The following AGBL2 variants were observed in gnomAD, a reference collection of about 807,000 sequenced individuals.
AGBL2 encodes cytosolic carboxypeptidase 2.
A neutral mutation model predicts 103.0 loss-of-function variants in AGBL2; 87 were observed. The ratio of observed to expected loss-of-function variants is 0.84; its 90% CI spans 0.71 to 1.01. The LOEUF is 1.01. Among genes scored for constraint, AGBL2 ranks in the 50% least tolerant of loss-of-function variants. The probability of loss-of-function intolerance (pLI) is 0.00; values close to 1 mark genes in which losing one functional copy is unlikely to be tolerated. For synonymous variants in AGBL2, 335 were observed against 356.7 expected (o/e 0.94, Z 0.69); for missense variants, 904 against 1,023.5 (o/e 0.88, Z 1.59).
chr11:47,686,089 A>G (rs1164262818), intron 10 of AGBL2, 40 bp from the exon 11 acceptor site: 20 of 1,582,002 alleles, frequency 1.3e-5, no homozygotes, highest in Non-Finnish European at 1.6e-5. Context: ...GGACACCCAA[A>G]TGCATACAAA....
chr11:47,680,285 A>G (rs1056364565), intron 12 of AGBL2, among the ~76,000 whole-genome samples: 11 of 151,288 alleles, frequency 7.3e-5, no homozygotes, highest in African/African-American at 1.5e-4. Flanking sequence ...GCTCGTCTCT[A>G]CTAAAAAATA....
intron 8 of AGBL2, among the ~76,000 whole-genome samples, chr11:47,692,887 C>G (rs1383434755): frequency 1.3e-5 from 2 of 152,070 alleles, no homozygotes; most frequent in African/African-American, 4.8e-5. Context: ...GCGTGAATCA[C>G]AGTTCACTGC....
At chr11:47,696,037 G>GAAAAAAAAAGA (rs2097471120) in intron 8 of AGBL2, among the ~76,000 whole-genome samples, 4 of 88,906 alleles carry the variant, frequency 4.5e-5, no homozygotes, top group Non-Finnish European at 4.0e-5. Context: ...AAAAAAAAAA[G>GAAAAAAAAAGA]AAAAAAAAAA....
chr11:47,660,202 G>A lies in AGBL2; in HGVS notation c.2680C>T (p.Pro894Ser), dbSNP rs1248795743. 6.2e-7 allele frequency: 1 copy of A among 1,614,084 alleles called. No individual in the cohort carries two copies. Among genetic ancestry groups the A allele is most frequent in the Non-Finnish European group, 8.5e-7 (1 of 1,180,032 alleles). The change falls in exon 19 of 19, where the codon CCA (proline) becomes TCA (serine). Residue 894 changes from proline (P) to serine (S), a missense_variant. Coordinates refer to ENST00000525123, the MANE Select transcript of AGBL2 (RefSeq NM_024783.4). Reference sequence around the variant, plus strand: ...GGGTATGTGTATATGTGCAAGGATGGGTATGCCGCCATGGCAGCACAGCCT... The same window carrying A: ...GGGTATGTGTATATGTGCAAGGATGAGTATGCCGCCATGGCAGCACAGCCT... ...KRGCAAMAAY[P>S]SLHIYTYP
intron 10 of AGBL2, among the ~76,000 whole-genome samples, chr11:47,689,501 C>T (rs566972029): frequency 5.3e-5 from 8 of 152,064 alleles, no homozygotes; most frequent in East Asian, 3.9e-4. Context: ...GACTGGGTTT[C>T]GCCATGTTGG....
chr11:47,714,233 T>G (rs1489649356), intron 3 of AGBL2, 51 bp downstream of exon 3: 1 of 1,463,220 alleles, frequency 6.8e-7, no homozygotes, highest in East Asian at 2.3e-5. Flanking sequence ...AACGAAGCAA[T>G]TTTCCTCTTG....
chr11:47,661,813 G>C (rs1056738678), intron 18 of AGBL2, among the ~76,000 whole-genome samples: 15 of 151,388 alleles, frequency 9.9e-5, no homozygotes, highest in Non-Finnish European at 1.9e-4. Flanking sequence ...GCAGTGGTGC[G>C]ATCTCTGCTC....
chr11:47,672,379 A>G (rs774721816), intron 14 of AGBL2, among the ~76,000 whole-genome samples: 2 of 151,968 alleles, frequency 1.3e-5, no homozygotes, highest in African/African-American at 4.8e-5. Flanking sequence ...CAGTAGTGCA[A>G]TCTTGACTCA....
At chr11:47,710,321 A>G (rs2097533168) in intron 4 of AGBL2, 56 bp downstream of exon 4, 1 of 1,609,498 alleles carries the variant, frequency 6.2e-7, no homozygotes, top group South Asian at 1.1e-5. Context: ...CTGAATACTC[A>G]GAGGAGTTAC....
At chr11:47,680,888 A>T (rs1288033437) in intron 12 of AGBL2, among the ~76,000 whole-genome samples, 1 of 152,246 alleles carries the variant, frequency 6.6e-6, no homozygotes, top group Non-Finnish European at 1.5e-5. Flanking sequence ...AGTTTGGTTC[A>T]GAAGAATCTT....
chr11:47,692,189 A>G lies in AGBL2; in HGVS notation c.762T>C (p.Leu254=). Residue 254 remains leucine, a synonymous_variant, in exon 9 of 19, where the codon CTT becomes CTC. Coordinates refer to ENST00000525123, the MANE Select transcript of AGBL2 (RefSeq NM_024783.4). The stretch of plus-strand genomic sequence containing the variant: ...CTTCTGGTCCTTGCAACGTGACAGC[A>G]AGTTCCTTGACAATTCCTCGTTTGC... ...VGGKRGIVKE[L]AVTLQGPEDN... 6.2e-7 allele frequency: 1 copy of G among 1,613,804 alleles called. No homozygotes were observed. Among genetic ancestry groups the G allele is most frequent in the Admixed American group, 1.7e-5 (1 of 59,956 alleles).
chr11:47,701,168 T>C (rs549835563), intron 7 of AGBL2, among the ~76,000 whole-genome samples: 8 of 151,730 alleles, frequency 5.3e-5, no homozygotes, highest in African/African-American at 1.9e-4. Flanking sequence ...AATTGCTTTA[T>C]AAAAGATCAT....
intron 10 of AGBL2, among the ~76,000 whole-genome samples, chr11:47,689,243 A>G (rs906201856): frequency 6.6e-6 from 1 of 151,330 alleles, no homozygotes; most frequent in Admixed American, 6.6e-5. Flanking sequence ...TTAAATATCT[A>G]CTTTGTCACT....
At chr11:47,681,544 T>G (rs2097401188) in intron 12 of AGBL2, among the ~76,000 whole-genome samples, 1 of 152,186 alleles carries the variant, frequency 6.6e-6, no homozygotes, top group Admixed American at 6.5e-5. Context: ...CTTGGCTCAC[T>G]GCAACCTTCA....
At chr11:47,676,336 C>T (rs1343167774) in intron 14 of AGBL2, among the ~76,000 whole-genome samples, 2 of 152,186 alleles carry the variant, frequency 1.3e-5, no homozygotes, top group Non-Finnish European at 2.9e-5. Context: ...AACCAATTCA[C>T]ACATCCCCCC....
chr11:47,706,527 A>T (rs929755516), intron 4 of AGBL2, among the ~76,000 whole-genome samples: 1 of 151,978 alleles, frequency 6.6e-6, no homozygotes, highest in African/African-American at 2.4e-5. Context: ...AAAAAAAAAT[A>T]AATAAAAATA....
intron 16 of AGBL2, 78 bp downstream of exon 16, chr11:47,667,493 A>G: frequency 6.5e-7 from 1 of 1,536,928 alleles, no homozygotes; most frequent in Admixed American, 2.0e-5. Context: ...TTTAGAGTAA[A>G]CTTTAACCCC....
chr11:47,702,519 A>C (rs919533063), intron 7 of AGBL2, among the ~76,000 whole-genome samples: 1 of 152,170 alleles, frequency 6.6e-6, no homozygotes, highest in Non-Finnish European at 1.5e-5. Context: ...TCTAGCACCA[A>C]GCACTGTACT....
At chr11:47,678,325 A>ATTTTT (rs1228331674) in intron 13 of AGBL2, among the ~76,000 whole-genome samples, 5 of 116,048 alleles carry the variant, frequency 4.3e-5, no homozygotes, top group African/African-American at 1.4e-4. Flanking sequence ...ATTTTATTTT[A>ATTTTT]TTTTATTTTA....
Sources: allele counts gnomAD v4.1 joint callset (sites outside exome capture counted in the v4.1 genomes callset), GRCh38; gene constraint gnomAD v4.1.1; transcripts MANE v1.5; gene names NCBI Gene and HGNC (gene_info 2026-07-23, HGNC 2026-07-21).